Variants in SYT7 observed in about 807,000 individuals in gnomAD.
SYT7 encodes the protein synaptotagmin-7.
Under a neutral mutation model 75.1 loss-of-function variants are expected in SYT7, and 29 were observed. That is an observed-to-expected ratio of 0.39 (90% CI 0.29 to 0.53). SYT7 has a LOEUF of 0.53. SYT7 is among the 20% of genes least tolerant of loss of function. The pLI is 0.77. For synonymous variants in SYT7, 376 were observed against 401.7 expected (o/e 0.94, Z 0.76); for missense variants, 693 against 953.2 (o/e 0.73, Z 3.59).
rs2064090060 is a variant in SYT7 at position 61,576,716 on chromosome 11, G to A, written c.31+4074C>T. On this transcript the variant is annotated intron_variant, in intron 1 of 12. Transcript: ENST00000539008. The surrounding 1 kb of genome is among the most constrained non-coding windows in gnomAD (Gnocchi z 4.1). ...CGTGAGAGAATAGGGGGTGGGTGGG[G>A]AGTAGGATGGGGGGACTCAGGAGGG... Among the ~76,000 whole-genome samples, 1 of 138,480 alleles carries A rather than the reference G, an allele frequency of 7.2e-6. No individual in the cohort carries two copies. The highest frequency in any genetic ancestry group is 1.6e-5 in the Non-Finnish European group (1 of 63,690). 90.8% of individuals were successfully genotyped at this position (138,480 alleles called of 152,430 possible). A position where few individuals can be genotyped will look rare whatever the true frequency, so the allele number is the denominator to read the frequency against.
rs2063333226 is a variant in SYT7, at chr11:61,551,045, G to GGT, written c.215+338_215+339insAC. Among the ~76,000 whole-genome samples, 1 of 152,170 alleles carries GGT rather than the reference G, an allele frequency of 6.6e-6. No homozygotes were observed. Among genetic ancestry groups the GGT allele is most frequent in the South Asian group, 2.1e-4 (1 of 4,822 alleles). On this transcript the variant is annotated intron_variant, in intron 3 of 12. Transcript: ENST00000539008. The surrounding 1 kb of genome is among the most constrained non-coding windows in gnomAD (Gnocchi z 5.3). ...GGGGCCCCATGAGAGGGGCTTGGAG[G>GGT]TCCAGGGAAGCCGGCGGGTGGTGGG...
At chr11:61,535,230 C>T (rs562577125) in intron 7 of SYT7, among the ~76,000 whole-genome samples, 4 of 152,262 alleles carry the variant, frequency 2.6e-5, no homozygotes, top group Non-Finnish European at 4.4e-5. Context: ...TAGTCAGAGA[C>T]GGGCGAAGGC....
chr11:61,517,313 T>C lies in SYT7; in HGVS notation c.*1314A>G. The C allele has an allele frequency of 2.5e-6, 1 of 398,654 alleles. No individual in the cohort carries two copies. The highest frequency in any genetic ancestry group is 4.4e-6 in the Non-Finnish European group (1 of 226,086). 24.7% of individuals were successfully genotyped at this position (398,654 alleles called of 1,614,324 possible). On this transcript the variant is annotated 3_prime_UTR_variant, in exon 13 of 13. Coordinates refer to ENST00000539008, the MANE Select transcript of SYT7 (RefSeq NM_001365809.2). Reference sequence around the variant, plus strand: ...AGGCAGAGAAACCACAGCTTCTTTGTGTGTGGCAACCTCAGAACTCACAGA... The same window carrying C: ...AGGCAGAGAAACCACAGCTTCTTTGCGTGTGGCAACCTCAGAACTCACAGA...
At position 61,518,702 on chromosome 11, in the gene SYT7, C is replaced by A; in HGVS notation, c.1986G>T (p.Gly662=). ...TCATGTCCTTCCAGTGCTTCACCTC[C>A]CCTGGCCCGCTCTTCCAGGACAGGT... is the stretch of plus-strand genomic sequence containing the variant. ...KIYLSWKSGP[G]EVKHWKDMIA... Residue 662 remains glycine (G), a synonymous_variant, in exon 13 of 13, where the codon GGG becomes GGT. Coordinates refer to ENST00000539008, the MANE Select transcript of SYT7 (RefSeq NM_001365809.2). 2 of 1,549,434 alleles carry A rather than the reference C, an allele frequency of 1.3e-6. No individual in the cohort carries two copies. The highest frequency in any genetic ancestry group is 1.7e-6 in the Non-Finnish European group (2 of 1,145,608).
intron 5 of SYT7, among the ~76,000 whole-genome samples, chr11:61,545,007 T>C (rs1264582027): frequency 6.6e-6 from 1 of 152,166 alleles, no homozygotes. Flanking sequence ...GTTGGCCTGT[T>C]AAATGGGAGG....
rs935303988 is a variant in SYT7 at position 61,513,732 on chromosome 11, C to T, written c.*4895G>A. On this transcript the variant is annotated 3_prime_UTR_variant, in exon 13 of 13. Coordinates refer to ENST00000539008, the MANE Select transcript of SYT7 (RefSeq NM_001365809.2). Reference sequence around the variant, plus strand: ...CTGGCGATCTTGTTCTGAAGATGAACGTTTATTAGCACACCTGGGCGTGCC... The same window carrying T: ...CTGGCGATCTTGTTCTGAAGATGAATGTTTATTAGCACACCTGGGCGTGCC... 6.6e-6 allele frequency among the ~76,000 whole-genome samples: 1 copy of T among 152,188 alleles called. No individual in the cohort carries two copies. Among genetic ancestry groups the T allele is most frequent in the African/African-American group, 2.4e-5 (1 of 41,446 alleles).
chr11:61,576,794 C>T lies in SYT7; in HGVS notation c.31+3996G>A, dbSNP rs560176724. 3.3e-4 allele frequency among the ~76,000 whole-genome samples: 51 copies of T among 152,278 alleles called. No individual in the cohort carries two copies. The highest frequency in any genetic ancestry group is 1.1e-3 in the African/African-American group (44 of 41,550). Reference sequence around the variant, plus strand: ...CTCCTCTGCCTGTTCCACACAACATCCTGCAATGGCCGGGCTAGAGGGTGT... The same window carrying T: ...CTCCTCTGCCTGTTCCACACAACATTCTGCAATGGCCGGGCTAGAGGGTGT... On this transcript the variant is annotated intron_variant, in intron 1 of 12. Coordinates refer to ENST00000539008, the MANE Select transcript of SYT7 (RefSeq NM_001365809.2). This position sits in a 1 kb window ranked among gnomAD's most constrained non-coding sequence, Gnocchi z 4.1.
upstream of SYT7, among the ~76,000 whole-genome samples, chr11:61,581,770 C>A (rs1178495194): frequency 2.6e-5 from 4 of 152,190 alleles, no homozygotes; most frequent in African/African-American, 9.6e-5. Flanking sequence ...CTCTGGCTAT[C>A]CCTCTATAGC....
At chr11:61,541,831 G>A (rs993170856) in intron 6 of SYT7, among the ~76,000 whole-genome samples, 1 of 152,156 alleles carries the variant, frequency 6.6e-6, no homozygotes, top group African/African-American at 2.4e-5. Context: ...GATGGGTTTT[G>A]GAGCAGAAGG....
At position 61,523,797 on chromosome 11, in the gene SYT7, C is replaced by A. The variant is rs763408216; in HGVS notation, c.1756+30G>T. The A allele has an allele frequency of 6.2e-7, 1 of 1,602,946 alleles. No individual in the cohort carries two copies. The highest frequency in any genetic ancestry group is 1.7e-5 in the Admixed American group (1 of 59,944). On this transcript the variant is annotated intron_variant, in intron 11 of 12. Coordinates refer to ENST00000539008, the MANE Select transcript of SYT7 (RefSeq NM_001365809.2). This position sits in a 1 kb window ranked among gnomAD's most constrained non-coding sequence, Gnocchi z 5.0. ...TTGTGTCACCAGCACCTCCCCGGCC[C>A]GCCCATCCTCTGCTGGAGAAGCCCC...
At position 61,530,218 on chromosome 11, in the gene SYT7, G is replaced by A. The variant is rs11820732; in HGVS notation, c.1201-2033C>T. ...GAATCCTGAGTGCCCTTCCACCTGC[G>A]CCTTGCTCTTGCCCTCAGATCTACA... On this transcript the variant is annotated intron_variant, in intron 8 of 12. Transcript: ENST00000539008. 5.0e-3 allele frequency among the ~76,000 whole-genome samples: 765 copies of A among 152,264 alleles called. 4 individuals carry two copies. The highest frequency in any genetic ancestry group is 0.018 in the African/African-American group (729 of 41,542).
At chr11:61,532,878 C>T in intron 8 of SYT7, 111 bp downstream of exon 8, 1 of 1,465,922 alleles carries the variant, frequency 6.8e-7, no homozygotes, top group Non-Finnish European at 9.1e-7. Context: ...GACCCAGTTC[C>T]CTGCCTGGCC....
At chr11:61,539,372 T>A (rs1227696459) in intron 6 of SYT7, 3 of 152,128 alleles carry the variant, frequency 2.0e-5, no homozygotes, top group Non-Finnish European at 4.4e-5. Context: ...TACCCGCATT[T>A]GCCAGGGGGG....
intron 1 of SYT7, among the ~76,000 whole-genome samples, chr11:61,560,507 C>T (rs1220019417): frequency 6.6e-6 from 1 of 152,168 alleles, no homozygotes; most frequent in African/African-American, 2.4e-5. Context: ...GCAGTTGGTA[C>T]GGCCCCCACA....
rs1343928913 is a variant in SYT7 at position 61,514,266 on chromosome 11, G to A, written c.*4361C>T. On this transcript the variant is annotated 3_prime_UTR_variant, in exon 13 of 13. Transcript: ENST00000539008. The stretch of plus-strand genomic sequence containing the variant: ...CTGAACAGAAGCTCTGGCCAAGGGA[G>A]CCCCTGAGGCTACTTACCTGACCCC... Among the ~76,000 whole-genome samples, 1 of 152,250 alleles carries A rather than the reference G, an allele frequency of 6.6e-6. No individual in the cohort carries two copies. Among genetic ancestry groups the A allele is most frequent in the Non-Finnish European group, 1.5e-5 (1 of 68,038 alleles).
At chr11:61,561,832 G>A (rs1184903838) in intron 1 of SYT7, among the ~76,000 whole-genome samples, 2 of 152,070 alleles carry the variant, frequency 1.3e-5, no homozygotes, top group South Asian at 2.1e-4. Flanking sequence ...ACTCTATGAC[G>A]AGCTCGGCGT....
upstream of SYT7, among the ~76,000 whole-genome samples, chr11:61,581,505 G>A (rs560749373): frequency 3.9e-4 from 59 of 152,348 alleles, no homozygotes; most frequent in African/African-American, 1.4e-3. Flanking sequence ...CGGGTTTTCC[G>A]CTTGCTGGCG....
At chr11:61,537,987 G>A (rs901648767) in intron 7 of SYT7, among the ~76,000 whole-genome samples, 157 bp downstream of exon 7, 1 of 152,226 alleles carries the variant, frequency 6.6e-6, no homozygotes, top group Non-Finnish European at 1.5e-5. Flanking sequence ...GTGGCAGTGC[G>A]TGAGGGCACC....
chr11:61,539,944 C>T (rs1341102710), intron 6 of SYT7: 1 of 152,122 alleles, frequency 6.6e-6, no homozygotes. Context: ...TGTTTTCTGC[C>T]CACCGGTACT....
Sources: gnomAD v4.1 joint callset for allele counts (sites outside exome capture counted in the v4.1 genomes callset) on GRCh38, gnomAD v4.1.1 for gene constraint, Gnocchi (gnomAD v3.1) non-coding constraint, MANE v1.5 for transcripts, NCBI Gene and HGNC (gene_info 2026-07-23, HGNC 2026-07-21) for gene names.